Variants in FHL2 observed in about 807,000 individuals in gnomAD.
FHL2 encodes four and a half LIM domains 2.
Under a neutral mutation model 32.7 loss-of-function variants are expected in FHL2, and 20 were observed. That is an observed-to-expected ratio of 0.61 (90% CI 0.43 to 0.89). The LOEUF is 0.89. Ranked by LOEUF, FHL2 falls within the 40% of genes least tolerant of loss-of-function variation. The pLI is 0.00. For missense variants in FHL2, 311 were observed against 358.6 expected (o/e 0.87, Z 1.07); for synonymous variants, 123 against 128.1 (o/e 0.96, Z 0.27).
At chr2:105,414,436 A>G (rs1163258460) in intron 1 of FHL2, among the ~76,000 whole-genome samples, 1 of 152,130 alleles carries the variant, frequency 6.6e-6, no homozygotes, top group Non-Finnish European at 1.5e-5. Context: ...TGTTCTTTCC[A>G]GTGACCAACC....
chr2:105,372,862 CT>C (rs1681188956), intron 4 of FHL2, among the ~76,000 whole-genome samples: 1 of 152,156 alleles, frequency 6.6e-6, no homozygotes, highest in African/African-American at 2.4e-5. Flanking sequence ...CAGCTTCTTT[CT>C]GTATTTTGAA....
chr2:105,435,667 C>G (rs1041217349), intron 1 of FHL2, among the ~76,000 whole-genome samples: 3 of 151,974 alleles, frequency 2.0e-5, no homozygotes, highest in Non-Finnish European at 4.4e-5. Flanking sequence ...ACTAAAAAAA[C>G]AAAAATTAGC....
At chr2:105,406,455 C>T (rs369011711) in intron 1 of FHL2, among the ~76,000 whole-genome samples, 2 of 141,470 alleles carry the variant, frequency 1.4e-5, no homozygotes, top group Admixed American at 7.1e-5. Context: ...TTTTTCTTAT[C>T]TTTTTTTTTT....
chr2:105,426,742 C>T (rs550992270), intron 1 of FHL2, among the ~76,000 whole-genome samples: 59 of 152,356 alleles, frequency 3.9e-4, no homozygotes, highest in African/African-American at 1.4e-3. Flanking sequence ...CATGAGAACA[C>T]ACGCACAGCA....
At chr2:105,400,351 T>C (rs192410881), upstream of FHL2, among the ~76,000 whole-genome samples, 1 of 152,230 alleles carries the variant, frequency 6.6e-6, no homozygotes, top group East Asian at 1.9e-4. Context: ...CAGAACTAGA[T>C]GTGCGGAATA....
chr2:105,364,849 T>C (rs1413977391), intron 5 of FHL2, among the ~76,000 whole-genome samples: 2 of 152,230 alleles, frequency 1.3e-5, no homozygotes, highest in African/African-American at 4.8e-5. Context: ...AAAGAATTCA[T>C]AGCTGGTTAA....
In FHL2 at chr2:105,363,460, C is replaced by T. The variant is rs1018740778; in HGVS notation, c.513G>A (p.Thr171=). ...QCVQCKKPIT[T]GGVTYREQPW... ...GCTGCTCCCGGTAAGTGACCCCTCC[C>T]GTGGTGATGGGCTGCAGGGACGAGG... The change falls in exon 6 of 7, where the codon ACG becomes ACA. Residue 171 remains threonine, a synonymous_variant. Coordinates refer to ENST00000530340, the MANE Select transcript of FHL2 (RefSeq NM_001318895.3). 9 of 1,608,610 alleles carry T rather than the reference C, an allele frequency of 5.6e-6. No homozygotes were observed. The highest frequency in any genetic ancestry group is 5.3e-5 in the African/African-American group (4 of 74,872).
At position 105,396,637 on chromosome 2, in the gene FHL2, C is replaced by G; in HGVS notation, c.-25+10G>C. On this transcript the variant is annotated intron_variant, in intron 2 of 6. Transcript: ENST00000530340. ...AATTTAGGATAACAGAGGAAATTCA[C>G]TTGACTCACCCCAAAGTCAAAATGC... 1 of 1,611,640 alleles carries G rather than the reference C, an allele frequency of 6.2e-7. No homozygotes were observed. Among genetic ancestry groups the G allele is most frequent in the Non-Finnish European group, 8.5e-7 (1 of 1,178,834 alleles).
intron 5 of FHL2, among the ~76,000 whole-genome samples, chr2:105,366,833 C>T (rs1417858118): frequency 1.3e-5 from 2 of 152,170 alleles, no homozygotes; most frequent in Admixed American, 6.5e-5. Flanking sequence ...GCAACCTCCA[C>T]CTCCCGGGTT....
At chr2:105,382,261 T>C (rs956342239) in intron 3 of FHL2, among the ~76,000 whole-genome samples, 4 of 151,862 alleles carry the variant, frequency 2.6e-5, no homozygotes, top group African/African-American at 9.7e-5. Flanking sequence ...ATGAGAAGAG[T>C]AGGGGCCTCT....
At chr2:105,432,873 A>T (rs1684480346) in intron 1 of FHL2, among the ~76,000 whole-genome samples, 1 of 152,238 alleles carries the variant, frequency 6.6e-6, no homozygotes, top group Non-Finnish European at 1.5e-5. Context: ...AAAGGTAGGG[A>T]GTGAATATGA....
intron 3 of FHL2, among the ~76,000 whole-genome samples, chr2:105,377,037 A>G (rs1681520951): frequency 6.6e-6 from 1 of 152,212 alleles, no homozygotes; most frequent in South Asian, 2.1e-4. Flanking sequence ...GGGAGTGAGA[A>G]TGTGTTCTGT....
chr2:105,371,943 G>A (rs1303735898), intron 4 of FHL2, among the ~76,000 whole-genome samples: 3 of 152,252 alleles, frequency 2.0e-5, no homozygotes, highest in Admixed American at 6.5e-5. Flanking sequence ...ACTGGGGCCC[G>A]AGTTTCCAGC....
chr2:105,399,540 G>T (rs1381694405), upstream of FHL2: 35 of 1,536,056 alleles, frequency 2.3e-5, no homozygotes, highest in South Asian at 4.0e-4. Context: ...CACCACAGAT[G>T]ACCATAAAGA....
intron 1 of FHL2, among the ~76,000 whole-genome samples, chr2:105,406,278 A>G (rs932714411): frequency 6.6e-6 from 1 of 152,172 alleles, no homozygotes; most frequent in Non-Finnish European, 1.5e-5. Flanking sequence ...GGCCATCCTA[A>G]CACTATAAAT....
chr2:105,384,272 CA>C (rs1682126377), intron 3 of FHL2, among the ~76,000 whole-genome samples: 1 of 152,178 alleles, frequency 6.6e-6, no homozygotes, highest in Non-Finnish European at 1.5e-5. Flanking sequence ...ACTTCTTCCT[CA>C]AACTGGACAT....
chr2:105,419,506 T>C (rs1289376607), intron 1 of FHL2, among the ~76,000 whole-genome samples: 6 of 152,204 alleles, frequency 3.9e-5, no homozygotes, highest in Non-Finnish European at 7.4e-5. Flanking sequence ...CCATCTTCCA[T>C]ACCAAGAGGA....
chr2:105,364,022 C>T (rs560722817), intron 5 of FHL2, among the ~76,000 whole-genome samples: 1 of 152,186 alleles, frequency 6.6e-6, no homozygotes, highest in Admixed American at 6.5e-5. Context: ...TTTGGGAGGC[C>T]GAGGCAGGTG....
intron 1 of FHL2, among the ~76,000 whole-genome samples, chr2:105,426,442 T>C (rs1464612759): frequency 6.6e-6 from 1 of 152,252 alleles, no homozygotes; most frequent in Non-Finnish European, 1.5e-5. Flanking sequence ...CAGCATGGTC[T>C]ATCAAAATAC....
Sources: gnomAD v4.1 joint callset for allele counts (sites outside exome capture counted in the v4.1 genomes callset) on GRCh38, gnomAD v4.1.1 for gene constraint, MANE v1.5 for transcripts, NCBI Gene and HGNC (gene_info 2026-07-23, HGNC 2026-07-21) for gene names.